The following ANKRD44 variants were observed in gnomAD, a reference collection of about 807,000 sequenced individuals.
ANKRD44 encodes the protein serine/threonine-protein phosphatase 6 regulatory ankyrin repeat subunit B.
In ANKRD44, 35 loss-of-function variants were observed where a neutral mutation model predicts 116.0. The observed-to-expected ratio is 0.30, with a 90% CI of 0.23 to 0.40. The LOEUF (loss-of-function observed/expected upper bound fraction) is 0.40, where lower values mean the gene tolerates loss of function less well. Among genes scored for constraint, ANKRD44 ranks in the 10% least tolerant of loss-of-function variants. The pLI is 1.00. For missense variants in ANKRD44, 1,014 were observed against 1,242.6 expected, an observed-to-expected ratio of 0.82 and a Z score of 2.77; for synonymous variants, 435 against 461.8, an observed-to-expected ratio of 0.94 and a Z score of 0.74.
intron 1 of ANKRD44, among the ~76,000 whole-genome samples, chr2:197,302,921 C>T (rs1199214292): frequency 2.0e-5 from 3 of 152,226 alleles, no homozygotes; most frequent in Non-Finnish European, 2.9e-5. Context: ...TAAAGCAACA[C>T]CTCTGAAGAA....
chr2:197,059,325 G>C (rs1213685561), intron 16 of ANKRD44, among the ~76,000 whole-genome samples: 1 of 152,148 alleles, frequency 6.6e-6, no homozygotes, highest in African/African-American at 2.4e-5. Flanking sequence ...CCTCACAAAA[G>C]CTGTACAAAT....
At chr2:196,991,923 ATCAAAGTC>A (rs1218835007) in intron 27 of ANKRD44, among the ~76,000 whole-genome samples, 1 of 152,148 alleles carries the variant, frequency 6.6e-6, no homozygotes, top group African/African-American at 2.4e-5. Flanking sequence ...CCACTCACCA[ATCAAAGTC>A]TCAAATCTAA....
At chr2:197,012,184 T>C (rs1178815103) in intron 18 of ANKRD44, among the ~76,000 whole-genome samples, 1 of 152,206 alleles carries the variant, frequency 6.6e-6, no homozygotes, top group Non-Finnish European at 1.5e-5. Context: ...AGTGTCTTTT[T>C]AGTGAATGAC....
chr2:196,967,241 T>G (rs999117618), exon 22 of ANKRD44: 19 of 251,506 alleles, frequency 7.6e-5, no homozygotes, highest in African/African-American at 3.1e-4. Flanking sequence ...TGTTCCCAGT[T>G]GGAAAATAAA....
intron 1 of ANKRD44, among the ~76,000 whole-genome samples, chr2:197,238,400 G>T (rs1429588145): frequency 1.3e-5 from 2 of 152,154 alleles, no homozygotes; most frequent in Non-Finnish European, 2.9e-5. Flanking sequence ...TCTGAACATT[G>T]CCTAGTCAAC....
downstream of ANKRD44, chr2:196,986,552 T>A: frequency 3.1e-6 from 1 of 323,124 alleles, no homozygotes; most frequent in Non-Finnish European, 4.4e-6. Context: ...GGAGATACAC[T>A]TTTATCTTGA....
chr2:197,272,527 C>T (rs145460031), intron 1 of ANKRD44, among the ~76,000 whole-genome samples: 2 of 152,314 alleles, frequency 1.3e-5, no homozygotes, highest in East Asian at 1.9e-4. Flanking sequence ...TGAGCCAATG[C>T]GCCTGGCCAA....
rs1192917253 is a variant in ANKRD44 at position 197,162,279 on chromosome 2, AC to A, written c.112-15175del. On this transcript the variant is annotated intron_variant, in intron 2 of 27. Coordinates refer to ENST00000282272, the MANE Select transcript of ANKRD44 (RefSeq NM_001195144.2). ...ATTTTCTCTTCCCACCCTAAATGTG[AC>A]AAGACATTGAGGCTTCATTCCCTGA... 2.0e-5 allele frequency among the ~76,000 whole-genome samples: 3 copies of A among 152,200 alleles called. No individual in the cohort carries two copies. In the East Asian group the frequency reaches 5.8e-4, roughly 29 times the overall value.
At chr2:197,213,175 C>T (rs542188087) in intron 1 of ANKRD44, among the ~76,000 whole-genome samples, 9 of 152,172 alleles carry the variant, frequency 5.9e-5, no homozygotes, top group African/African-American at 9.7e-5. Context: ...AGCCACCCAG[C>T]GAGCTATGAC....
chr2:197,136,602 G>A lies in ANKRD44; in HGVS notation c.251C>T (p.Ser84Phe), dbSNP rs772162894. 6.2e-6 allele frequency: 10 copies of A among 1,614,100 alleles called. No homozygotes were observed. Among genetic ancestry groups the A allele is most frequent in the Non-Finnish European group, 6.8e-6 (8 of 1,179,976 alleles). Residue 84 changes from serine to phenylalanine, a missense_variant, in exon 4 of 28, where the codon TCC (serine) becomes TTC (phenylalanine). Physicochemically the swap from Ser to Phe is radical, Grantham distance 155. Transcript: ENST00000282272. ...WLTPLHRAVA[S>F]RSEEAVQVLI... Reference sequence around the variant, plus strand: ...ATGGTAATCACTCACTTCACTTCTGGAAGCAACAGCCCGGTGCAGTGGAGT... The same window carrying A: ...ATGGTAATCACTCACTTCACTTCTGAAAGCAACAGCCCGGTGCAGTGGAGT...
At chr2:197,286,052 A>G (rs750983437) in intron 1 of ANKRD44, among the ~76,000 whole-genome samples, 1 of 152,226 alleles carries the variant, frequency 6.6e-6, no homozygotes, top group Non-Finnish European at 1.5e-5. Context: ...AATTTGGCAC[A>G]AGGAAGAAAG....
chr2:197,296,135 G>A (rs2083714501), intron 1 of ANKRD44, among the ~76,000 whole-genome samples: 1 of 152,216 alleles, frequency 6.6e-6, no homozygotes, highest in South Asian at 2.1e-4. Flanking sequence ...CACCAGGACA[G>A]GCAGTGGGGT....
intron 8 of ANKRD44, among the ~76,000 whole-genome samples, chr2:197,113,944 T>C (rs965303050): frequency 1.3e-5 from 2 of 152,138 alleles, no homozygotes; most frequent in Admixed American, 6.5e-5. Flanking sequence ...ATTAAGAGTA[T>C]CATGGCAGCC....
At chr2:197,190,400 T>G (rs898083386) in intron 1 of ANKRD44, among the ~76,000 whole-genome samples, 1 of 152,208 alleles carries the variant, frequency 6.6e-6, no homozygotes, top group Non-Finnish European at 1.5e-5. Context: ...AAACTAGAAC[T>G]TCACAGATAA....
intron 1 of ANKRD44, among the ~76,000 whole-genome samples, chr2:197,197,185 T>C (rs542970634): frequency 6.6e-6 from 1 of 152,090 alleles, no homozygotes; most frequent in South Asian, 2.1e-4. Flanking sequence ...TCTTCTCATT[T>C]CCCCATCCAA....
chr2:197,277,153 T>G (rs538335190), intron 1 of ANKRD44, among the ~76,000 whole-genome samples: 2 of 152,014 alleles, frequency 1.3e-5, no homozygotes, highest in East Asian at 3.9e-4. Flanking sequence ...GGTCTCAATC[T>G]CCTGACCTTG....
intron 9 of ANKRD44, among the ~76,000 whole-genome samples, chr2:197,102,863 A>C (rs2078325470): frequency 6.6e-6 from 1 of 152,222 alleles, no homozygotes; most frequent in Non-Finnish European, 1.5e-5. Context: ...CTCATTTATC[A>C]GCAATACATG....
rs1364108437 is a variant in ANKRD44, at chr2:196,988,574, T to A, written c.*1017A>T. ...TATTAAGAGTAAGATTAAAGTTTTA[T>A]AGCTAGATGAAAAATATAATACAGT... On this transcript the variant is annotated 3_prime_UTR_variant, in exon 28 of 28. Transcript: ENST00000282272. 14 of 984,054 alleles carry A rather than the reference T, an allele frequency of 1.4e-5. No homozygotes were observed. In the South Asian group the frequency reaches 5.7e-4, roughly 40 times the overall value. 61.0% of individuals were successfully genotyped at this position (984,054 alleles called of 1,614,324 possible). A position where few individuals can be genotyped will look rare whatever the true frequency, so the allele number is the denominator to read the frequency against.
At chr2:197,111,003 A>G (rs1220171208) in intron 8 of ANKRD44, among the ~76,000 whole-genome samples, 159 bp from the exon 9 acceptor site, 1 of 152,158 alleles carries the variant, frequency 6.6e-6, no homozygotes, top group East Asian at 1.9e-4. Flanking sequence ...GTGAGCTAGG[A>G]TTTTACCACT....
Sources: allele counts gnomAD v4.1 joint callset (sites outside exome capture counted in the v4.1 genomes callset), GRCh38; gene constraint gnomAD v4.1.1; transcripts MANE v1.5; gene names NCBI Gene and HGNC (gene_info 2026-07-23, HGNC 2026-07-21).